Variants in RFPL2 observed in about 807,000 individuals in gnomAD.
The protein encoded by RFPL2 is ret finger protein-like 2.
A neutral mutation model predicts 17.8 loss-of-function variants in RFPL2; 13 were observed. That is an observed-to-expected ratio of 0.73 (90% confidence interval 0.47 to 1.16). The LOEUF (loss-of-function observed/expected upper bound fraction) is 1.16. RFPL2 is among the 50% of genes most tolerant of loss of function. RFPL2 has a pLI of 0.00. For synonymous variants in RFPL2, 189 were observed against 180.9 expected (o/e 1.04, Z -0.36); for missense variants, 431 against 479.3 (o/e 0.90, Z 0.94).
chr22:32,201,780 C>A (rs542149006), intron 2 of RFPL2, among the ~76,000 whole-genome samples: 3 of 152,110 alleles, frequency 2.0e-5, no homozygotes, highest in Admixed American at 1.3e-4. Flanking sequence ...ATTGTCCCTG[C>A]TCTGTAGGGA....
chr22:32,192,272 T>C (rs1431658898), intron 4 of RFPL2, among the ~76,000 whole-genome samples: 2 of 152,208 alleles, frequency 1.3e-5, no homozygotes, highest in African/African-American at 2.4e-5. Flanking sequence ...AATCTCTTCA[T>C]GTAAATGTCC....
At chr22:32,198,327 C>T (rs1923563468) in intron 2 of RFPL2, among the ~76,000 whole-genome samples, 1 of 152,176 alleles carries the variant, frequency 6.6e-6, no homozygotes, top group Non-Finnish European at 1.5e-5. Flanking sequence ...CTTCCTTGGC[C>T]TCTGCATTTC....
intron 2 of RFPL2, among the ~76,000 whole-genome samples, chr22:32,200,446 G>A (rs1336417615): frequency 1.3e-5 from 2 of 152,144 alleles, no homozygotes; most frequent in Admixed American, 1.3e-4. Flanking sequence ...TGTGTGTAAG[G>A]GGGGATTCCT....
Position 32,190,929 on chromosome 22 carries a change from T to A in RFPL2, c.980A>T (p.His327Leu), listed in dbSNP as rs772824072. 1 of 1,603,252 alleles carries A rather than the reference T, an allele frequency of 6.2e-7. No homozygotes were observed. The highest frequency in any genetic ancestry group is 1.3e-5 in the African/African-American group (1 of 74,160). ...AGATACGCTCCTGAATGTATAGACA[T>A]GGGAACCACTTTCAGCATCAAAAAA... is the stretch of plus-strand genomic sequence containing the variant. Reference protein sequence around the residue: ...VSFFDAESGSHVYTFRSVSAE... With the variant: ...VSFFDAESGSLVYTFRSVSAE... Residue 327 changes from histidine (H) to leucine (L), a missense_variant, in exon 5 of 5, where the codon CAT becomes CTT. Transcript: ENST00000652607.
Position 32,190,742 on chromosome 22 carries a change from C to A in RFPL2, c.*30G>T, listed in dbSNP as rs372914231. 11 of 1,499,840 alleles carry A rather than the reference C, an allele frequency of 7.3e-6. No homozygotes were observed. The East Asian group carries it at 1.8e-4, about 25-fold the overall frequency. The allele number at this position is 1,499,840 out of a possible 1,614,324, so 92.9% of individuals were successfully genotyped here. A position where few individuals can be genotyped will look rare whatever the true frequency, so the allele number is the denominator to read the frequency against. ...TCTACCCACCCAAGTAATTTTCTTA[C>A]CCTGTTTTTTGTTTTTTTGGAGTGA... On this transcript the variant is annotated 3_prime_UTR_variant, in exon 5 of 5. Coordinates refer to ENST00000652607, the MANE Select transcript of RFPL2 (RefSeq NM_001394555.1).
At chr22:32,202,192 C>T (rs1231035378) in intron 2 of RFPL2, 141 bp downstream of exon 2, 3 of 1,029,376 alleles carry the variant, frequency 2.9e-6, no homozygotes, top group Non-Finnish European at 4.2e-6. Flanking sequence ...TTCTGTCTTC[C>T]TCTCCCTGGA....
At chr22:32,203,439 C>G (rs939042527) in intron 1 of RFPL2, 1 of 152,222 alleles carries the variant, frequency 6.6e-6, no homozygotes, top group African/African-American at 2.4e-5. Context: ...CCCAGGATAG[C>G]GCCGCCAACC....
At chr22:32,201,093 A>C (rs1923870522) in intron 2 of RFPL2, among the ~76,000 whole-genome samples, 1 of 140,988 alleles carries the variant, frequency 7.1e-6, no homozygotes, top group African/African-American at 2.7e-5. Flanking sequence ...GCTGGAGTGC[A>C]GTGGTGCAAT....
chr22:32,203,236 T>C (rs1464099995), intron 1 of RFPL2: 1 of 295,254 alleles, frequency 3.4e-6, no homozygotes, highest in Non-Finnish European at 5.0e-6. Flanking sequence ...CGCTCTGTGC[T>C]GTGGGCAGTG....
At position 32,197,823 on chromosome 22, in the gene RFPL2, T is replaced by C. The variant is rs117312326; in HGVS notation, c.120-3333A>G. ...AGTCTATCATTGATGGACTTTTGGGTTGGAAGTGGGATTTAGAGATCACAC... is the reference window on the plus strand; with the variant it reads ...AGTCTATCATTGATGGACTTTTGGGCTGGAAGTGGGATTTAGAGATCACAC... On this transcript the variant is annotated intron_variant, in intron 2 of 4. Coordinates refer to ENST00000652607, the MANE Select transcript of RFPL2 (RefSeq NM_001394555.1). Among the ~76,000 whole-genome samples the C allele has an allele frequency of 2.5e-3, 386 of 152,300 alleles. 1 individual carries two copies. The highest frequency in any genetic ancestry group is 4.0e-3 in the Non-Finnish European group (275 of 68,034).
chr22:32,192,489 A>G (rs1922778404), intron 4 of RFPL2, among the ~76,000 whole-genome samples: 1 of 152,188 alleles, frequency 6.6e-6, no homozygotes, highest in Non-Finnish European at 1.5e-5. Flanking sequence ...GTGCATTAGA[A>G]TTACCAGGCC....
intron 2 of RFPL2, among the ~76,000 whole-genome samples, chr22:32,195,541 C>T (rs1350083991): frequency 3.3e-5 from 5 of 152,008 alleles, no homozygotes; most frequent in Admixed American, 6.6e-5. Flanking sequence ...CTGCAACATC[C>T]GGCTCCTGGG....
intron 2 of RFPL2, among the ~76,000 whole-genome samples, chr22:32,195,483 T>C (rs1923221197): frequency 6.6e-6 from 1 of 152,020 alleles, no homozygotes. Context: ...TGAGACAGTG[T>C]CTTGCTCTGT....
intron 2 of RFPL2, among the ~76,000 whole-genome samples, chr22:32,195,646 C>T (rs768354415): frequency 3.6e-4 from 54 of 150,332 alleles, no homozygotes; most frequent in Non-Finnish European, 6.6e-4. Context: ...TTAGTAGAGA[C>T]GGGGTTTCAC....
intron 2 of RFPL2, chr22:32,200,038 C>A (rs1923754019): frequency 2.2e-6 from 1 of 457,776 alleles, no homozygotes; most frequent in Non-Finnish European, 4.4e-6. Flanking sequence ...GTGACGGTGG[C>A]CTGGAAGGCA....
At chr22:32,195,598 G>GCCTCCTGAGTA (rs1923234499) in intron 2 of RFPL2, among the ~76,000 whole-genome samples, 2 of 151,896 alleles carry the variant, frequency 1.3e-5, no homozygotes, top group African/African-American at 4.8e-5. Context: ...TGGGATTACA[G>GCCTCCTGAGTA]GCATGTGCCA....
At chr22:32,194,844 G>C (rs926441909) in intron 2 of RFPL2, among the ~76,000 whole-genome samples, 4 of 152,112 alleles carry the variant, frequency 2.6e-5, no homozygotes, top group Non-Finnish European at 4.4e-5. Flanking sequence ...GGAAATTCTA[G>C]GTACTTTTTA....
Position 32,190,854 on chromosome 22 carries a change from C to T in RFPL2, c.1055G>A (p.Gly352Asp), listed in dbSNP as rs981184292. The T allele has an allele frequency of 9.5e-6, 15 of 1,586,044 alleles. No individual in the cohort carries two copies. The African/African-American group carries it at 1.9e-4, about 20-fold the overall frequency. Residue 352 changes from glycine (G) to aspartate (D), a missense_variant, in exon 5 of 5, where the codon GGT becomes GAT. Gly to Asp is a moderately conservative substitution (Grantham distance 94). Coordinates refer to ENST00000652607, the MANE Select transcript of RFPL2 (RefSeq NM_001394555.1). ...ACAGATGCTCAAGACACCTTGATCACCATTAGGTGGAACTGAAGGAGCCAA... is the reference window on the plus strand; with the variant it reads ...ACAGATGCTCAAGACACCTTGATCATCATTAGGTGGAACTGAAGGAGCCAA... ...PFLAPSVPPN[G>D]DQGVLSICPL... is the part of the protein sequence containing the mutation.
chr22:32,202,758 A>C, intron 1 of RFPL2: 1 of 1,138,122 alleles, frequency 8.8e-7, no homozygotes, highest in African/African-American at 1.6e-5. Flanking sequence ...GAACAGCTGC[A>C]GCCACCCTGG....
Sources: gnomAD v4.1 joint callset for allele counts (sites outside exome capture counted in the v4.1 genomes callset) on GRCh38, gnomAD v4.1.1 for gene constraint, MANE v1.5 for transcripts, NCBI Gene and HGNC (gene_info 2026-07-23, HGNC 2026-07-21) for gene names.